CXCL9: variants seen among roughly 807,000 people sequenced by gnomAD.
CXCL9 encodes the protein C-X-C motif chemokine 9.
In CXCL9, 8 loss-of-function variants were observed where a neutral mutation model predicts 11.7. The observed-to-expected ratio is 0.68, with a 90% CI of 0.40 to 1.23. The LOEUF is 1.23. CXCL9 is among the 50% of genes most tolerant of loss of function. The pLI is 0.01. For synonymous variants in CXCL9, 43 were observed against 48.2 expected (o/e 0.89, Z 0.45); for missense variants, 133 against 141.7 (o/e 0.94, Z 0.31).
In CXCL9 at chr4:76,004,801, TC is replaced by T; in HGVS notation, c.276+7del. 33 of 1,588,120 alleles carry T rather than the reference TC, an allele frequency of 2.1e-5. No homozygotes were observed. Among genetic ancestry groups the T allele is most frequent in the Non-Finnish European group, 2.8e-5 (33 of 1,172,502 alleles). On this transcript the variant is annotated splice_region_variant and intron_variant, in intron 3 of 3. Coordinates refer to ENST00000264888, the MANE Select transcript of CXCL9 (RefSeq NM_002416.3). Reference sequence around the variant, plus strand: ...AGAAAGAAAATTTTGATCTTCCTTTTCACCAACCTGTTTCTCCCACTTTTTA... The same window carrying T: ...AGAAAGAAAATTTTGATCTTCCTTTTACCAACCTGTTTCTCCCACTTTTTA...
intron 3 of CXCL9, among the ~76,000 whole-genome samples, chr4:76,003,945 G>T (rs907761844): frequency 6.6e-6 from 1 of 152,146 alleles, no homozygotes; most frequent in African/African-American, 2.4e-5. Flanking sequence ...TGGCAACCTT[G>T]CTTACCACTC....
In CXCL9 at chr4:76,003,650, T is replaced by C. The variant is rs1731522113; in HGVS notation, c.326A>G (p.Lys109Arg). Residue 109 changes from lysine to arginine, a missense_variant, in exon 4 of 4, where the codon AAA becomes AGA. By Grantham distance (26) the Lys-to-Arg change is conservative. Coordinates refer to ENST00000264888, the MANE Select transcript of CXCL9 (RefSeq NM_002416.3). ...TTGAGATTTTCGAACTTTCAGAACTTTCTTTTTTTGATGTTTTTTCCCATT... is the reference window on the plus strand; with the variant it reads ...TTGAGATTTTCGAACTTTCAGAACTCTCTTTTTTTGATGTTTTTTCCCATT... ...QKNGKKHQKK[K>R]VLKVRKSQRS... The C allele has an allele frequency of 6.2e-7, 1 of 1,612,854 alleles. No homozygotes were observed. The highest frequency in any genetic ancestry group is 1.3e-5 in the African/African-American group (1 of 74,904).
intron 1 of CXCL9, among the ~76,000 whole-genome samples, 154 bp from the exon 2 acceptor site, chr4:76,006,428 T>C (rs1480506060): frequency 6.6e-6 from 1 of 152,126 alleles, no homozygotes; most frequent in East Asian, 1.9e-4. Context: ...GGAGGTATCA[T>C]CTCTATTTTA....
In CXCL9 at chr4:76,006,289, AAGAT is replaced by A. The variant is rs1233039254; in HGVS notation, c.65-19_65-16del. The A allele has an allele frequency of 6.8e-6, 11 of 1,612,294 alleles. No individual in the cohort carries two copies. Among genetic ancestry groups the A allele is most frequent in the Admixed American group, 3.3e-5 (2 of 59,908 alleles). On this transcript the variant is annotated splice_polypyrimidine_tract_variant and intron_variant, in intron 1 of 3. Coordinates refer to ENST00000264888, the MANE Select transcript of CXCL9 (RefSeq NM_002416.3). ...TACTGGGGTTCCTGAGGGAAAGAAA[AAGAT>A]AGAACACATCAGTATAGGCCAATGT...
In CXCL9 at chr4:76,001,313, C is replaced by A. The variant is rs968340054; in HGVS notation, c.*2285G>T. 1 of 151,968 alleles carries A rather than the reference C, an allele frequency of 6.6e-6. No individual in the cohort carries two copies. The highest frequency in any genetic ancestry group is 1.5e-5 in the Non-Finnish European group (1 of 68,018). 9.4% of individuals were successfully genotyped at this position (151,968 alleles called of 1,614,324 possible). ...TTCCATAGGTTTTTTTTCCTGTTCC[C>A]GATCGACCCTTTAAAGAGCTTTCAT... On this transcript the variant is annotated 3_prime_UTR_variant, in exon 4 of 4. Transcript: ENST00000264888.
In CXCL9 at chr4:76,004,749, CT is replaced by C. The variant is rs41324144; in HGVS notation, c.276+59del. 3.9e-3 allele frequency: 6,049 copies of C among 1,561,342 alleles called. 43 individuals carry two copies. The Middle Eastern group carries it at 0.039, about 10-fold the overall frequency. ...TATAGTGTTAATGAAAAAGCAGATT[CT>C]TTGTCTTCTAAAGTTAATTTCTAAA... On this transcript the variant is annotated intron_variant, in intron 3 of 3. Coordinates refer to ENST00000264888, the MANE Select transcript of CXCL9 (RefSeq NM_002416.3).
chr4:76,007,094 T>A (rs1316419772), intron 1 of CXCL9, among the ~76,000 whole-genome samples: 1 of 152,118 alleles, frequency 6.6e-6, no homozygotes, highest in Non-Finnish European at 1.5e-5. Context: ...AAAAACAGTA[T>A]CAGGGAGAAG....
At chr4:76,004,704 T>A (rs1169103391) in intron 3 of CXCL9, 105 bp downstream of exon 3, 33 of 1,381,764 alleles carry the variant, frequency 2.4e-5, no homozygotes, top group Non-Finnish European at 3.1e-5. Context: ...AAAAATGTAT[T>A]CTTAAAAGTT....
At chr4:76,006,685 A>G (rs1731593411) in intron 1 of CXCL9, among the ~76,000 whole-genome samples, 1 of 152,192 alleles carries the variant, frequency 6.6e-6, no homozygotes, top group Non-Finnish European at 1.5e-5. Context: ...TAAACCATCT[A>G]TTATTTATTA....
rs185703051 is a variant in CXCL9 at position 76,005,129 on chromosome 4, T to C, written c.192-236A>G. The C allele has an allele frequency of 3.4e-4, 154 of 450,522 alleles. 3 individuals are homozygous for C. The highest frequency in any genetic ancestry group is 3.0e-3 in the African/African-American group (145 of 48,348). 27.9% of individuals were successfully genotyped at this position (450,522 alleles called of 1,614,324 possible). On this transcript the variant is annotated intron_variant, in intron 2 of 3. Transcript: ENST00000264888. ...TGGTGCGATCTCAGCTTGCTGCAAC[T>C]TCCAACTCCTGGATTCAAGCGATTC...
chr4:76,006,030 G>C, intron 2 of CXCL9, 118 bp downstream of exon 2: 1 of 873,958 alleles, frequency 1.1e-6, no homozygotes, highest in Non-Finnish European at 1.8e-6. Context: ...ATTTATGGAG[G>C]GGGTAACCAT....
Position 76,002,495 on chromosome 4 carries a change from A to G in CXCL9, c.*1103T>C, listed in dbSNP as rs565188736. Reference sequence around the variant, plus strand: ...CAGGAAAGAGCCAGCACCTGCTCTGAGACAATGGTCTGGTTGCCATCCTGC... The same window carrying G: ...CAGGAAAGAGCCAGCACCTGCTCTGGGACAATGGTCTGGTTGCCATCCTGC... On this transcript the variant is annotated 3_prime_UTR_variant, in exon 4 of 4. Transcript: ENST00000264888. The G allele has an allele frequency of 4.4e-4, 174 of 397,260 alleles. No homozygotes were observed. Among genetic ancestry groups the G allele is most frequent in the Non-Finnish European group, 6.9e-4 (155 of 225,572 alleles). 24.6% of individuals were successfully genotyped at this position (397,260 alleles called of 1,614,324 possible).
rs572277376 is a variant in CXCL9, at chr4:76,001,570, T to C, written c.*2028A>G. The C allele has an allele frequency of 5.9e-5, 9 of 152,186 alleles. No homozygotes were observed. Among genetic ancestry groups the C allele is most frequent in the African/African-American group, 2.4e-5 (1 of 41,446 alleles). 9.4% of individuals were successfully genotyped at this position (152,186 alleles called of 1,614,324 possible). A position where few individuals can be genotyped will look rare whatever the true frequency, so the allele number is the denominator to read the frequency against. On this transcript the variant is annotated 3_prime_UTR_variant, in exon 4 of 4. Transcript: ENST00000264888. Reference sequence around the variant, plus strand: ...AATACTGTTTTGAAGTGAAAAATTATTTGCTTTGAGAGTGTATGCATGTAT... The same window carrying C: ...AATACTGTTTTGAAGTGAAAAATTACTTGCTTTGAGAGTGTATGCATGTAT...
intron 2 of CXCL9, chr4:76,005,534 A>C (rs1033393552): frequency 6.6e-6 from 1 of 152,320 alleles, no homozygotes; most frequent in African/African-American, 2.4e-5. Flanking sequence ...ATACTGCCAC[A>C]GTAAGTTTTA....
intron 2 of CXCL9, 43 bp downstream of exon 2, chr4:76,006,105 C>T (rs1343714700): frequency 1.9e-6 from 3 of 1,586,826 alleles, no homozygotes; most frequent in African/African-American, 1.3e-5. Flanking sequence ...ATTTAATGTT[C>T]TTGCCAATAT....
intron 3 of CXCL9, 117 bp from the exon 4 acceptor site, chr4:76,003,816 G>A (rs1390992246): frequency 1.5e-6 from 1 of 646,418 alleles, no homozygotes; most frequent in East Asian, 2.7e-5. Flanking sequence ...CCACATTAAA[G>A]TCACTTCACT....
Position 76,006,352 on chromosome 4 carries a change from T to G in CXCL9, c.65-78A>C. On this transcript the variant is annotated intron_variant, in intron 1 of 3. Transcript: ENST00000264888. ...AGGTGATCTATCAAAATGATACACT[T>G]GACTGAGTCATGATTATTGCTATCA... The G allele has an allele frequency of 2.1e-6, 3 of 1,400,422 alleles. No homozygotes were observed. The South Asian group carries it at 3.9e-5, about 18-fold the overall frequency. 86.7% of individuals were successfully genotyped at this position (1,400,422 alleles called of 1,614,324 possible).
At position 76,003,439 on chromosome 4, in the gene CXCL9, T is replaced by C; in HGVS notation, c.*159A>G. ...ATTCTTAACGTTTGGATTCTTAAAA[T>C]CAACTTTCTAACTTTAGTTACAATT... On this transcript the variant is annotated 3_prime_UTR_variant, in exon 4 of 4. Transcript: ENST00000264888. 1.8e-6 allele frequency: 1 copy of C among 571,418 alleles called. No homozygotes were observed. The highest frequency in any genetic ancestry group is 2.3e-5 in the South Asian group (1 of 43,386). The allele number at this position is 571,418 out of a possible 1,614,324, so 35.4% of individuals were successfully genotyped here. A position where few individuals can be genotyped will look rare whatever the true frequency, so the allele number is the denominator to read the frequency against.
At position 76,004,870 on chromosome 4, in the gene CXCL9, T is replaced by C; in HGVS notation, c.215A>G (p.Gln72Arg). Residue 72 changes from glutamine (Q) to arginine (R), a missense_variant, in exon 3 of 4, where the codon CAA becomes CGA. Coordinates refer to ENST00000264888, the MANE Select transcript of CXCL9 (RefSeq NM_002416.3). ...EIIATLKNGVQTCLNPDSADV... is the reference protein window; with the variant it reads ...EIIATLKNGVRTCLNPDSADV... Reference sequence around the variant, plus strand: ...TGCTGAATCTGGGTTTAGACATGTTTGAACTCCATTCTTCAGTGTAGCACT... The same window carrying C: ...TGCTGAATCTGGGTTTAGACATGTTCGAACTCCATTCTTCAGTGTAGCACT... 6.2e-7 allele frequency: 1 copy of C among 1,607,872 alleles called. No homozygotes were observed. The highest frequency in any genetic ancestry group is 8.5e-7 in the Non-Finnish European group (1 of 1,177,836).
Sources: gnomAD v4.1 joint callset for allele counts (sites outside exome capture counted in the v4.1 genomes callset) on GRCh38, gnomAD v4.1.1 for gene constraint, MANE v1.5 for transcripts, NCBI Gene and HGNC (gene_info 2026-07-23, HGNC 2026-07-21) for gene names.